The following DARS2 variants were observed in gnomAD, a reference collection of about 807,000 sequenced individuals.
The protein encoded by DARS2 is aspartate--tRNA ligase, mitochondrial.
A neutral mutation model predicts 83.0 loss-of-function variants in DARS2; 63 were observed. The ratio of observed to expected loss-of-function variants is 0.76; its 90% confidence interval spans 0.62 to 0.94. DARS2 has a LOEUF of 0.94. DARS2 is among the 40% of genes least tolerant of loss of function. DARS2 has a pLI of 0.00. For missense variants in DARS2, 675 were observed against 774.4 expected, an observed-to-expected ratio of 0.87 and a Z score of 1.52; for synonymous variants, 250 against 269.3, an observed-to-expected ratio of 0.93 and a Z score of 0.70.
intron 4 of DARS2, 135 bp downstream of exon 4, chr1:173,830,896 CA>C: frequency 1.4e-6 from 1 of 718,018 alleles, no homozygotes; most frequent in Non-Finnish European, 2.5e-6. Flanking sequence ...TGACAGATTT[CA>C]AAATCTTGAC....
At chr1:173,853,991 G>A in intron 15 of DARS2, 86 bp downstream of exon 15, 1 of 1,255,818 alleles carries the variant, frequency 8.0e-7, no homozygotes, top group African/African-American at 1.5e-5. Context: ...TTGCTTGTTT[G>A]TTTTGTTTTT....
intron 13 of DARS2, among the ~76,000 whole-genome samples, chr1:173,851,324 C>T (rs148960665): frequency 1.3e-5 from 2 of 151,756 alleles, no homozygotes; most frequent in African/African-American, 2.4e-5. Flanking sequence ...TAGACCTGAC[C>T]CTAATTAGAA....
At chr1:173,850,565 T>C (rs1490509132) in intron 13 of DARS2, 86 bp downstream of exon 13, 48 of 1,390,880 alleles carry the variant, frequency 3.5e-5, no homozygotes, top group Non-Finnish European at 4.7e-5. Context: ...GTTTGAACTG[T>C]AGACTGTTAA....
At chr1:173,833,624 A>G in intron 6 of DARS2, 125 bp downstream of exon 6, 3 of 1,105,886 alleles carry the variant, frequency 2.7e-6, no homozygotes, top group South Asian at 1.3e-5. Flanking sequence ...AATTCACTCA[A>G]TGTGTAATGT....
At chr1:173,831,701 T>A in intron 5 of DARS2, 71 bp downstream of exon 5, 1 of 1,244,786 alleles carries the variant, frequency 8.0e-7, no homozygotes, top group Non-Finnish European at 1.2e-6. Flanking sequence ...ATTTTCAGAG[T>A]TTTTTAAAGA....
chr1:173,825,047 T>G lies in DARS2; in HGVS notation c.-183T>G. ...ACCCCAGCAAGCACCCCAGAGACCT[T>G]GGAGATTTGTCTTGTTTCTAGACAC... On this transcript the variant is annotated 5_prime_UTR_variant, in exon 1 of 17. Coordinates refer to ENST00000649689, the MANE Select transcript of DARS2 (RefSeq NM_018122.5). 3.2e-5 allele frequency: 25 copies of G among 777,738 alleles called. No individual in the cohort carries two copies. Among genetic ancestry groups the G allele is most frequent in the East Asian group, 6.4e-5 (2 of 31,312 alleles). 48.2% of individuals were successfully genotyped at this position (777,738 alleles called of 1,614,324 possible). A position where few individuals can be genotyped will look rare whatever the true frequency, so the allele number is the denominator to read the frequency against.
intron 11 of DARS2, among the ~76,000 whole-genome samples, chr1:173,842,385 G>C (rs1334092131): frequency 7.8e-6 from 1 of 128,134 alleles, no homozygotes; most frequent in Non-Finnish European, 1.6e-5. Context: ...TGCAACCTCC[G>C]CCTCCCAGGT....
Position 173,853,380 on chromosome 1 carries a change from G to A in DARS2, c.1376G>A (p.Cys459Tyr), listed in dbSNP as rs1653746805. 3 of 1,613,956 alleles carry A rather than the reference G, an allele frequency of 1.9e-6. No homozygotes were observed. The highest frequency in any genetic ancestry group is 1.7e-6 in the Non-Finnish European group (2 of 1,180,034). ...TTGTTAGGAAAATTACGACTGGAATGTGCTGACCTTCTAGAAACAAGAGGA... is the reference window on the plus strand; with the variant it reads ...TTGTTAGGAAAATTACGACTGGAATATGCTGACCTTCTAGAAACAAGAGGA... ...CSLLGKLRLE[C>Y]ADLLETRGVV... Residue 459 changes from cysteine to tyrosine, a missense_variant, in exon 14 of 17, where the codon TGT (cysteine) becomes TAT (tyrosine). By Grantham distance (194) the Cys-to-Tyr change is radical. Coordinates refer to ENST00000649689, the MANE Select transcript of DARS2 (RefSeq NM_018122.5).
chr1:173,837,424 T>A (rs1373225601), intron 8 of DARS2, among the ~76,000 whole-genome samples: 1 of 152,206 alleles, frequency 6.6e-6, no homozygotes, highest in African/African-American at 2.4e-5. Flanking sequence ...AATTATACTT[T>A]TTGAGGAAAT....
At chr1:173,842,055 G>A (rs932548087) in intron 11 of DARS2, among the ~76,000 whole-genome samples, 2 of 152,076 alleles carry the variant, frequency 1.3e-5, no homozygotes, top group South Asian at 2.1e-4. Flanking sequence ...GAAGAAGTGG[G>A]AGTAGAAGAG....
Position 173,834,782 on chromosome 1 carries a change from G to GT in DARS2, c.663+279dup, listed in dbSNP as rs558344998. 0.18 allele frequency among the ~76,000 whole-genome samples: 4,817 copies of GT among 26,732 alleles called. 549 individuals are homozygous for GT. The highest frequency in any genetic ancestry group is 0.28 in the East Asian group (218 of 790). 17.5% of individuals were successfully genotyped at this position (26,732 alleles called of 152,430 possible). On this transcript the variant is annotated intron_variant, in intron 7 of 16. Coordinates refer to ENST00000649689, the MANE Select transcript of DARS2 (RefSeq NM_018122.5). ...TGGTTTGTTTTGGGTTTTTTTTTTT[G>GT]TTTTTTTTTTTTTTTTGAGACAGTC...
In DARS2 at chr1:173,826,771, G is replaced by A; in HGVS notation, c.212G>A (p.Trp71Ter). 6.2e-7 allele frequency: 1 copy of A among 1,611,968 alleles called. No homozygotes were observed. The highest frequency in any genetic ancestry group is 8.5e-7 in the Non-Finnish European group (1 of 1,178,492). The stretch of plus-strand genomic sequence containing the variant: ...GGCCAAGAAGTCACCTTGTGTGGAT[G>A]GATTCAGTACCGAAGGTAAATTGAG... ...HLGQEVTLCG[W>*]IQYRRQNTFL... is the part of the protein sequence containing the mutation. The change falls in exon 2 of 17, where the codon TGG becomes TAG. Residue 71 changes from tryptophan to a stop codon, truncating the protein, a stop_gained. Coordinates refer to ENST00000649689, the MANE Select transcript of DARS2 (RefSeq NM_018122.5). LOFTEE classifies it high-confidence loss of function.
In DARS2 at chr1:173,850,428, G is replaced by C. The variant is rs759580245; in HGVS notation, c.1293G>C (p.Glu431Asp). The stretch of plus-strand genomic sequence containing the variant: ...GACTGGAATTAATCAGACTAATGGA[G>C]ACCCAAGAGGAAGATGTGGTCCTAC... ...SQRLELIRLMETQEEDVVLLT... is the reference protein window; with the variant it reads ...SQRLELIRLMDTQEEDVVLLT... The change falls in exon 13 of 17, where the codon GAG becomes GAC. Residue 431 changes from glutamate to aspartate, a missense_variant. By Grantham distance (45) the Glu-to-Asp change is conservative. Coordinates refer to ENST00000649689, the MANE Select transcript of DARS2 (RefSeq NM_018122.5). 1.9e-6 allele frequency: 3 copies of C among 1,613,802 alleles called. No homozygotes were observed. The highest frequency in any genetic ancestry group is 2.5e-6 in the Non-Finnish European group (3 of 1,179,966).
chr1:173,828,410 AT>A lies in DARS2; in HGVS notation c.294+14del, dbSNP rs1652673957. 6.2e-7 allele frequency: 1 copy of A among 1,608,914 alleles called. No individual in the cohort carries two copies. Among genetic ancestry groups the A allele is most frequent in the Non-Finnish European group, 8.5e-7 (1 of 1,176,312 alleles). ...ATTCCCCAGGATGAGGTAATAGAAA[AT>A]TTCCTGTTATTATCTAAAAGCTTCT... On this transcript the variant is annotated intron_variant, in intron 3 of 16. Coordinates refer to ENST00000649689, the MANE Select transcript of DARS2 (RefSeq NM_018122.5).
Position 173,857,673 on chromosome 1 carries a change from C to T in DARS2, c.1906C>T (p.Pro636Ser). The T allele has an allele frequency of 6.2e-7, 1 of 1,614,120 alleles. No individual in the cohort carries two copies. Among genetic ancestry groups the T allele is most frequent in the East Asian group, 2.2e-5 (1 of 44,864 alleles). The change falls in exon 17 of 17, where the codon CCA becomes TCA. Residue 636 changes from proline (P) to serine (S), a missense_variant. Transcript: ENST00000649689. ...GCCCTATCATATCCGAGTCTCCAAG[C>T]CAACAGACTCCAAAGCAGAAAGAGC... ...LKPYHIRVSK[P>S]TDSKAERAH
intron 2 of DARS2, among the ~76,000 whole-genome samples, chr1:173,827,433 G>A (rs1335655726): frequency 6.6e-6 from 1 of 152,058 alleles, no homozygotes; most frequent in East Asian, 1.9e-4. Context: ...TTCGAGACCA[G>A]CCCAGCCAAT....
Position 173,853,341 on chromosome 1 carries a change from G to C in DARS2, c.1345-8G>C, listed in dbSNP as rs560892873. The stretch of plus-strand genomic sequence containing the variant: ...AGTTAACTCAATGTTTACGTCTTCT[G>C]TTTGCAGTGCTCTTTGTTAGGAAAA... On this transcript the variant is annotated splice_polypyrimidine_tract_variant and splice_region_variant and intron_variant, in intron 13 of 16. Transcript: ENST00000649689. 4.3e-5 allele frequency: 70 copies of C among 1,612,938 alleles called. 1 individual carries two copies. The South Asian group carries it at 7.2e-4, about 17-fold the overall frequency.
intron 11 of DARS2, among the ~76,000 whole-genome samples, 186 bp downstream of exon 11, chr1:173,841,159 G>A (rs1653191619): frequency 1.3e-5 from 2 of 152,130 alleles, no homozygotes; most frequent in African/African-American, 2.4e-5. Context: ...TGGATCACTT[G>A]AGGTCAGGAG....
At chr1:173,845,185 T>G (rs369734382) in intron 11 of DARS2, 44 bp from the exon 12 acceptor site, 171 of 1,131,428 alleles carry the variant, frequency 1.5e-4, no homozygotes, top group Non-Finnish European at 2.0e-4. Context: ...TTTATGAAGC[T>G]AAGTGTCATA....
Sources: gnomAD v4.1 joint callset for allele counts (sites outside exome capture counted in the v4.1 genomes callset) on GRCh38, gnomAD v4.1.1 for gene constraint, MANE v1.5 for transcripts, NCBI Gene and HGNC (gene_info 2026-07-23, HGNC 2026-07-21) for gene names.